Variants in TJAP1 observed in about 807,000 individuals in gnomAD.
The protein encoded by TJAP1 is tight junction associated protein 1.
A neutral mutation model predicts 42.0 loss-of-function variants in TJAP1; 27 were observed. That is an observed-to-expected ratio of 0.64 (90% CI 0.47 to 0.89). TJAP1 has a LOEUF of 0.89. Among genes scored for constraint, TJAP1 ranks in the 40% least tolerant of loss-of-function variants. The pLI is 0.00. For missense variants in TJAP1, 712 were observed against 726.9 expected (o/e 0.98, Z 0.24); for synonymous variants, 257 against 288.4 (o/e 0.89, Z 1.10).
rs1309198754 is a variant in TJAP1 at position 43,504,860 on chromosome 6, G to C, written c.679G>C (p.Val227Leu). Residue 227 changes from valine to leucine, a missense_variant, in exon 11 of 11, where the codon GTG (valine) becomes CTG (leucine). By Grantham distance (32) the Val-to-Leu change is conservative (BLOSUM62 1). Transcript: ENST00000372449. ...TCCCAGCCTAGCCCCAGGGGCTGTGGTGCCTACCTCAGTCATTGCCCGAGT... is the reference window on the plus strand; with the variant it reads ...TCCCAGCCTAGCCCCAGGGGCTGTGCTGCCTACCTCAGTCATTGCCCGAGT... 8 of 1,614,190 alleles carry C rather than the reference G, an allele frequency of 5.0e-6. No individual in the cohort carries two copies. The Admixed American group carries it at 1.3e-4, about 27-fold the overall frequency.
exon 11 of TJAP1, chr6:43,504,975 A>G (rs1189730475): frequency 6.2e-7 from 1 of 1,614,060 alleles, no homozygotes. Context: ...GTGCATGTGG[A>G]CATGAGTGAG....
In TJAP1 at chr6:43,491,195, G is replaced by A. The variant is rs1021017745; in HGVS notation, c.-121-6686G>A. Among the ~76,000 whole-genome samples, 3 of 152,096 alleles carry A rather than the reference G, an allele frequency of 2.0e-5. No individual in the cohort carries two copies. The highest frequency in any genetic ancestry group is 7.2e-5 in the African/African-American group (3 of 41,398). On this transcript the variant is annotated intron_variant, in intron 2 of 10. Transcript: ENST00000372449. This position sits in a 1 kb window ranked among gnomAD's most constrained non-coding sequence, Gnocchi z 4.6. Reference sequence around the variant, plus strand: ...TTATGGGCCCGGAGCGAGGAGGATAGCACTCCTGAGCGGGATGATGATTTC... The same window carrying A: ...TTATGGGCCCGGAGCGAGGAGGATAACACTCCTGAGCGGGATGATGATTTC...
chr6:43,502,192 A>C (rs941013892), intron 6 of TJAP1, 91 bp from the exon 7 acceptor site: 1 of 1,313,602 alleles, frequency 7.6e-7, no homozygotes, highest in Non-Finnish European at 1.1e-6. Flanking sequence ...AGGGAGAATG[A>C]CATGTTCAAG....
chr6:43,499,050 G>C (rs1260950800), exon 4 of TJAP1: 1 of 1,614,146 alleles, frequency 6.2e-7, no homozygotes, highest in East Asian at 2.2e-5. Flanking sequence ...GGCACCACCA[G>C]AGCATCGGGA....
At position 43,505,551 on chromosome 6, in the gene TJAP1, T is replaced by C. The variant is rs376595551; in HGVS notation, c.1370T>C (p.Val457Ala). 3 of 1,613,842 alleles carry C rather than the reference T, an allele frequency of 1.9e-6. No homozygotes were observed. Among genetic ancestry groups the C allele is most frequent in the Non-Finnish European group, 2.5e-6 (3 of 1,180,032 alleles). ...AGCCCCGCTGACAGAGATGAGGTGG[T>C]CCAGGCACCTTCTGCCCGACCCGAA... Residue 457 changes from valine to alanine, a missense_variant, in exon 11 of 11, where the codon GTC becomes GCC. Transcript: ENST00000372449. The surrounding 1 kb of genome is among the most constrained non-coding windows in gnomAD (Gnocchi z 5.5).
In TJAP1 at chr6:43,492,727, C is replaced by G. The variant is rs940720960; in HGVS notation, c.-121-5154C>G. On this transcript the variant is annotated intron_variant, in intron 2 of 10. Transcript: ENST00000372449. The surrounding 1 kb of genome is among the most constrained non-coding windows in gnomAD (Gnocchi z 4.2). ...GATCTTCATGAGCAATCCCCAGGAC[C>G]AAGGCCAGGTCACCTGGTTCCAGGG... is the stretch of plus-strand genomic sequence containing the variant. Among the ~76,000 whole-genome samples the G allele has an allele frequency of 2.0e-5, 3 of 152,180 alleles. No homozygotes were observed. The highest frequency in any genetic ancestry group is 7.2e-5 in the African/African-American group (3 of 41,438).
chr6:43,504,271 C>G (rs947701897), intron 10 of TJAP1: 2 of 221,762 alleles, frequency 9.0e-6, no homozygotes, highest in Non-Finnish European at 1.8e-5. Context: ...CCCACCACCA[C>G]GCCTGGCTAA....
chr6:43,504,047 C>A, intron 10 of TJAP1: 1 of 469,894 alleles, frequency 2.1e-6, no homozygotes. Context: ...AAGGGGTAAA[C>A]TCTAGACCCC....
In TJAP1 at chr6:43,492,695, G is replaced by A. The variant is rs1299690880; in HGVS notation, c.-121-5186G>A. Among the ~76,000 whole-genome samples, 4 of 152,172 alleles carry A rather than the reference G, an allele frequency of 2.6e-5. No individual in the cohort carries two copies. Among genetic ancestry groups the A allele is most frequent in the Non-Finnish European group, 4.4e-5 (3 of 68,024 alleles). On this transcript the variant is annotated intron_variant, in intron 2 of 10. Coordinates refer to ENST00000372449, the Ensembl canonical transcript of TJAP1. This position sits in a 1 kb window ranked among gnomAD's most constrained non-coding sequence, Gnocchi z 4.2. ...AGAGGGGCTGTATTAATGGTGCAAG[G>A]AGTGGGGATCTTCATGAGCAATCCC...
At chr6:43,481,129 A>G (rs1217493317) in intron 2 of TJAP1, among the ~76,000 whole-genome samples, 1 of 152,122 alleles carries the variant, frequency 6.6e-6, no homozygotes, top group African/African-American at 2.4e-5. Flanking sequence ...TTTTTTGATT[A>G]TTTAAAAAAA....
At chr6:43,489,700 T>G (rs1417107427) in intron 2 of TJAP1, 1 of 152,166 alleles carries the variant, frequency 6.6e-6, no homozygotes, top group Non-Finnish European at 1.5e-5. Context: ...CAGAGAGGCT[T>G]TTTGCCTGAG....
chr6:43,484,162 TAA>T (rs1020955109), intron 2 of TJAP1, among the ~76,000 whole-genome samples: 1 of 151,898 alleles, frequency 6.6e-6, no homozygotes, highest in African/African-American at 2.4e-5. Context: ...GCCTGGCATA[TAA>T]AAGACACTTG....
intron 2 of TJAP1, among the ~76,000 whole-genome samples, chr6:43,483,699 C>T (rs568544382): frequency 1.3e-5 from 2 of 152,314 alleles, no homozygotes; most frequent in African/African-American, 4.8e-5. Context: ...AATTCTGCCA[C>T]TCACCACCTG....
intron 2 of TJAP1, among the ~76,000 whole-genome samples, chr6:43,485,955 T>C (rs967042051): frequency 2.0e-5 from 3 of 151,906 alleles, no homozygotes; most frequent in African/African-American, 7.3e-5. Flanking sequence ...GTCTCCCTTT[T>C]AGCCTTTTTA....
At position 43,503,518 on chromosome 6, in the gene TJAP1, C is replaced by G. The variant is rs1791449185; in HGVS notation, c.495+10C>G. The stretch of plus-strand genomic sequence containing the variant: ...GCTGGAAGAGCTCAATGTATGTGCG[C>G]TTCACTACTCGGGCCTTCCTCACCT... On this transcript the variant is annotated intron_variant, in intron 9 of 10. Transcript: ENST00000372449. The G allele has an allele frequency of 1.2e-6, 2 of 1,613,068 alleles. No homozygotes were observed. Among genetic ancestry groups the G allele is most frequent in the South Asian group, 2.2e-5 (2 of 91,074 alleles).
At chr6:43,489,726 T>A (rs1787385151) in intron 2 of TJAP1, 1 of 152,200 alleles carries the variant, frequency 6.6e-6, no homozygotes, top group Non-Finnish European at 1.5e-5. Context: ...CAAGCTGGCC[T>A]CCCTGGTTGG....
At position 43,505,716 on chromosome 6, in the gene TJAP1, C is replaced by T. The variant is rs1174744770; in HGVS notation, c.1535C>T (p.Thr512Ile). The T allele has an allele frequency of 6.3e-7, 1 of 1,575,194 alleles. No individual in the cohort carries two copies. Among genetic ancestry groups the T allele is most frequent in the Non-Finnish European group, 8.6e-7 (1 of 1,159,826 alleles). ...AGGGGCACAGAGGAGGGGCCAGGCACTTCCCACACCGAGGGCAGGGCCTGG... is the reference window on the plus strand; with the variant it reads ...AGGGGCACAGAGGAGGGGCCAGGCATTTCCCACACCGAGGGCAGGGCCTGG... The change falls in exon 11 of 11, where the codon ACT becomes ATT. Residue 512 changes from threonine (T) to isoleucine (I), a missense_variant. Coordinates refer to ENST00000372449, the Ensembl canonical transcript of TJAP1. This position sits in a 1 kb window ranked among gnomAD's most constrained non-coding sequence, Gnocchi z 5.5.
chr6:43,480,704 G>A (rs893054077), intron 2 of TJAP1, among the ~76,000 whole-genome samples: 3 of 152,084 alleles, frequency 2.0e-5, no homozygotes, highest in Non-Finnish European at 4.4e-5. Context: ...TAGTAGAAAC[G>A]GGGGTTTCAC....
exon 6 of TJAP1, chr6:43,501,566 G>A: frequency 6.2e-7 from 1 of 1,613,940 alleles, no homozygotes; most frequent in African/African-American, 1.3e-5. Flanking sequence ...CCGGCGCCTG[G>A]CCTCCGCCAC....
Sources: gnomAD v4.1 joint callset for allele counts (sites outside exome capture counted in the v4.1 genomes callset) on GRCh38, gnomAD v4.1.1 for gene constraint, Gnocchi (gnomAD v3.1) non-coding constraint, MANE v1.5 for transcripts, NCBI Gene and HGNC (gene_info 2026-07-23, HGNC 2026-07-21) for gene names.